SYNPR: variants seen among roughly 807,000 people sequenced by gnomAD.
The protein encoded by SYNPR is synaptoporin.
In SYNPR, 23 loss-of-function variants were observed where a neutral mutation model predicts 32.9. The observed-to-expected ratio is 0.70, with a 90% CI of 0.50 to 0.99. SYNPR has a LOEUF of 0.99. Ranked by LOEUF, SYNPR falls within the 50% of genes least tolerant of loss-of-function variation. The pLI is 0.00. For synonymous variants in SYNPR, 146 were observed against 135.9 expected (o/e 1.07, Z -0.52); for missense variants, 318 against 349.3 (o/e 0.91, Z 0.71).
At chr3:63,437,633 T>A (rs1422920063) in intron 2 of SYNPR, among the ~76,000 whole-genome samples, 30 of 91,434 alleles carry the variant, frequency 3.3e-4, no homozygotes, top group Admixed American at 4.3e-4. Flanking sequence ...AGAAAGGAAG[T>A]GAAGGGAGGT....
In SYNPR at chr3:63,313,690, CAT is replaced by C. The variant is rs1343796324; in HGVS notation, c.84+34959_84+34960del. On this transcript the variant is annotated intron_variant, in intron 2 of 5. Transcript: ENST00000478300. ...ACAGAAATTAATACACATATATATC[CAT>C]ATATATATATCCATATATATATATC... Among the ~76,000 whole-genome samples the C allele has an allele frequency of 1.1e-3, 51 of 46,634 alleles. 1 individual carries two copies. Among genetic ancestry groups the C allele is most frequent in the African/African-American group, 4.7e-3 (48 of 10,106 alleles). The allele number at this position is 46,634 out of a possible 152,430, so 30.6% of individuals were successfully genotyped here. A position where few individuals can be genotyped will look rare whatever the true frequency, so the allele number is the denominator to read the frequency against.
At chr3:63,459,267 C>T (rs62252075) in intron 2 of SYNPR, among the ~76,000 whole-genome samples, 2,641 of 152,210 alleles carry the variant, frequency 0.017, 41 homozygotes, top group Non-Finnish European at 0.029. Flanking sequence ...TCACTGGCCT[C>T]AATCACTCTA....
intron 3 of SYNPR, among the ~76,000 whole-genome samples, chr3:63,529,171 T>C (rs1206686669): frequency 6.6e-6 from 1 of 152,204 alleles, no homozygotes; most frequent in African/African-American, 2.4e-5. Flanking sequence ...GGGGGACCCC[T>C]GGGGAAACCA....
chr3:63,457,546 T>C (rs1210531016), intron 2 of SYNPR, among the ~76,000 whole-genome samples: 1 of 152,100 alleles, frequency 6.6e-6, no homozygotes, highest in East Asian at 1.9e-4. Flanking sequence ...ATTGAAGAGA[T>C]CTTCAAGTGC....
At chr3:63,598,071 A>G (rs1438524870) in intron 4 of SYNPR, among the ~76,000 whole-genome samples, 1 of 152,176 alleles carries the variant, frequency 6.6e-6, no homozygotes, top group East Asian at 1.9e-4. Context: ...GTCTCTCTGT[A>G]TAAAAGTGTC....
At chr3:63,363,301 A>G (rs1167084907) in intron 2 of SYNPR, among the ~76,000 whole-genome samples, 4 of 152,318 alleles carry the variant, frequency 2.6e-5, no homozygotes, top group African/African-American at 9.6e-5. Flanking sequence ...ATAATTCCTC[A>G]GGTTTGACTG....
chr3:63,379,092 C>T (rs893350787), intron 2 of SYNPR, among the ~76,000 whole-genome samples: 2 of 151,684 alleles, frequency 1.3e-5, no homozygotes, highest in Non-Finnish European at 2.9e-5. Context: ...TTTTTAGTTT[C>T]CAAGTGTTTG....
chr3:63,588,233 G>C (rs1489751562), intron 4 of SYNPR, among the ~76,000 whole-genome samples: 1 of 152,002 alleles, frequency 6.6e-6, no homozygotes, highest in Non-Finnish European at 1.5e-5. Context: ...AGATACAAAA[G>C]AACAAATTGT....
chr3:63,299,092 T>C (rs1303982447), intron 2 of SYNPR, among the ~76,000 whole-genome samples: 1 of 152,100 alleles, frequency 6.6e-6, no homozygotes, highest in African/African-American at 2.4e-5. Flanking sequence ...AAAAATAGAA[T>C]AAATCTATTC....
intron 3 of SYNPR, among the ~76,000 whole-genome samples, chr3:63,272,067 G>T (rs981208955): frequency 1.3e-5 from 2 of 152,184 alleles, no homozygotes; most frequent in South Asian, 4.1e-4. Context: ...TGTCAGTAGT[G>T]ATGTTTGATA....
chr3:63,533,030 C>T (rs1702138272), intron 3 of SYNPR, among the ~76,000 whole-genome samples: 1 of 152,170 alleles, frequency 6.6e-6, no homozygotes, highest in Non-Finnish European at 1.5e-5. Context: ...TCCCATTGCA[C>T]TTGACCTATA....
At chr3:63,520,671 T>A (rs1284211015) in intron 3 of SYNPR, among the ~76,000 whole-genome samples, 2 of 59,044 alleles carry the variant, frequency 3.4e-5, no homozygotes, top group African/African-American at 5.6e-5. Context: ...AGACTCCATC[T>A]CAAAAAAAAA....
Position 63,615,583 on chromosome 3 carries a change from T to C in SYNPR, c.*102T>C. ...CAATCAATTATTAATGCAGAGAGTA[T>C]TGAATGTAAATCAGAGCTCTCTAGT... On this transcript the variant is annotated 3_prime_UTR_variant, in exon 6 of 6. Coordinates refer to ENST00000478300, the MANE Select transcript of SYNPR (RefSeq NM_001130003.2). The C allele has an allele frequency of 6.9e-7, 1 of 1,441,258 alleles. No homozygotes were observed. Among genetic ancestry groups the C allele is most frequent in the Non-Finnish European group, 9.3e-7 (1 of 1,076,504 alleles). The allele number at this position is 1,441,258 out of a possible 1,614,324, so 89.3% of individuals were successfully genotyped here. A position where few individuals can be genotyped will look rare whatever the true frequency, so the allele number is the denominator to read the frequency against.
intron 2 of SYNPR, among the ~76,000 whole-genome samples, chr3:63,463,045 G>T (rs1273533714): frequency 6.6e-6 from 1 of 152,132 alleles, no homozygotes; most frequent in Non-Finnish European, 1.5e-5. Flanking sequence ...ACAAATCACA[G>T]TCCTCAGAGA....
upstream of SYNPR, among the ~76,000 whole-genome samples, chr3:63,224,989 C>A (rs1456172766): frequency 6.6e-6 from 1 of 152,166 alleles, no homozygotes; most frequent in Non-Finnish European, 1.5e-5. Flanking sequence ...CTGCTATGTT[C>A]TTGCTATTGA....
At chr3:63,407,143 T>G (rs1343396356) in intron 2 of SYNPR, among the ~76,000 whole-genome samples, 1 of 152,198 alleles carries the variant, frequency 6.6e-6, no homozygotes, top group African/African-American at 2.4e-5. Flanking sequence ...ACAAAGATAT[T>G]TCCATTGCAT....
At chr3:63,265,006 G>T (rs1376959810) in intron 2 of SYNPR, among the ~76,000 whole-genome samples, 1 of 152,000 alleles carries the variant, frequency 6.6e-6, no homozygotes, top group Non-Finnish European at 1.5e-5. Flanking sequence ...TGAGATTTAG[G>T]TGGGGACACA....
intron 2 of SYNPR, among the ~76,000 whole-genome samples, chr3:63,334,637 C>T (rs974432717): frequency 2.0e-5 from 3 of 151,902 alleles, no homozygotes; most frequent in African/African-American, 4.8e-5. Flanking sequence ...AGCTGGCTGC[C>T]TGAAAAGGAA....
chr3:63,571,574 G>A (rs1000611129), intron 4 of SYNPR, among the ~76,000 whole-genome samples: 3 of 151,956 alleles, frequency 2.0e-5, no homozygotes, highest in Non-Finnish European at 4.4e-5. Flanking sequence ...TCAAAGAGAA[G>A]GAAGGAATTA....
Sources: gnomAD v4.1 joint callset for allele counts (sites outside exome capture counted in the v4.1 genomes callset) on GRCh38, gnomAD v4.1.1 for gene constraint, MANE v1.5 for transcripts, NCBI Gene and HGNC (gene_info 2026-07-23, HGNC 2026-07-21) for gene names.